TRAPPC10: variants seen among roughly 807,000 people sequenced by gnomAD.
The protein encoded by TRAPPC10 is TRAPP 130 kDa subunit.
A neutral mutation model predicts 125.5 loss-of-function variants in TRAPPC10; 23 were observed. The observed-to-expected ratio is 0.18, with a 90% CI of 0.13 to 0.26. The LOEUF (loss-of-function observed/expected upper bound fraction) is 0.26, where lower values mean the gene tolerates loss of function less well. TRAPPC10 is among the 10% of genes least tolerant of loss of function. The pLI is 1.00. For missense variants in TRAPPC10, 1,123 were observed against 1,308.4 expected, an observed-to-expected ratio of 0.86 and a Z score of 2.19; for synonymous variants, 509 against 518.0, an observed-to-expected ratio of 0.98 and a Z score of 0.24.
chr21:44,070,411 A>T (rs898884959), intron 7 of TRAPPC10, among the ~76,000 whole-genome samples: 7 of 152,216 alleles, frequency 4.6e-5, no homozygotes, highest in African/African-American at 1.7e-4. Flanking sequence ...GGGAAATGTG[A>T]GTTTTCTGGA....
chr21:44,087,243 C>G lies in TRAPPC10; in HGVS notation c.2539+283C>G, dbSNP rs1164583693. Among the ~76,000 whole-genome samples the G allele has an allele frequency of 1.3e-5, 2 of 152,198 alleles. No homozygotes were observed. Among genetic ancestry groups the G allele is most frequent in the Admixed American group, 6.5e-5 (1 of 15,284 alleles). ...GGGTCACGTTCCATGGTGATGCCTG[C>G]CAGACCCTGTCCCCCTTGGGCTGGC... On this transcript the variant is annotated intron_variant, in intron 16 of 22. Coordinates refer to ENST00000291574, the MANE Select transcript of TRAPPC10 (RefSeq NM_003274.5). This position sits in a 1 kb window ranked among gnomAD's most constrained non-coding sequence, Gnocchi z 4.6.
At chr21:44,080,167 A>G (rs1240436410) in intron 13 of TRAPPC10, 40 bp downstream of exon 13, 1 of 1,531,382 alleles carries the variant, frequency 6.5e-7, no homozygotes, top group South Asian at 1.1e-5. Flanking sequence ...AATATTTTCA[A>G]ATATTACAGA....
intron 1 of TRAPPC10, among the ~76,000 whole-genome samples, chr21:44,020,483 A>G (rs1377533131): frequency 2.2e-5 from 3 of 138,426 alleles, no homozygotes; most frequent in Non-Finnish European, 4.5e-5. Context: ...TATACATTTC[A>G]GAGTTAGCTG....
At chr21:44,017,244 C>G (rs1460655750) in intron 1 of TRAPPC10, among the ~76,000 whole-genome samples, 1 of 152,178 alleles carries the variant, frequency 6.6e-6, no homozygotes, top group Non-Finnish European at 1.5e-5. Context: ...GCTTAACTTA[C>G]TATGTCATTT....
chr21:44,082,957 C>T lies in TRAPPC10; in HGVS notation c.1893C>T (p.Phe631=). The T allele has an allele frequency of 6.2e-7, 1 of 1,614,072 alleles. No individual in the cohort carries two copies. The highest frequency in any genetic ancestry group is 8.5e-7 in the Non-Finnish European group (1 of 1,180,040). ...HVEQIVVNVH[F]SIEKNSYRKT... is the part of the protein sequence containing the mutation. ...AGCAGATTGTGGTCAATGTCCACTT[C>T]AGCATTGAGAAAAACAGCTACCGGA... Residue 631 remains phenylalanine (F), a synonymous_variant, in exon 14 of 23, where the codon TTC becomes TTT. Coordinates refer to ENST00000291574, the MANE Select transcript of TRAPPC10 (RefSeq NM_003274.5). The surrounding 1 kb of genome is among the most constrained non-coding windows in gnomAD (Gnocchi z 4.4).
chr21:44,095,974 T>A (rs2038905208), intron 20 of TRAPPC10, among the ~76,000 whole-genome samples: 1 of 126,194 alleles, frequency 7.9e-6, no homozygotes, highest in African/African-American at 3.1e-5. Flanking sequence ...TTTGAGCAAC[T>A]GCCAACTTTT....
At position 44,012,597 on chromosome 21, in the gene TRAPPC10, T is replaced by G. The variant is rs999964584; in HGVS notation, c.67+37T>G. 150 of 1,512,556 alleles carry G rather than the reference T, an allele frequency of 9.9e-5. 1 individual carries two copies. The highest frequency in any genetic ancestry group is 1.1e-4 in the Non-Finnish European group (127 of 1,122,648). 93.7% of individuals were successfully genotyped at this position (1,512,556 alleles called of 1,614,324 possible). On this transcript the variant is annotated intron_variant, in intron 1 of 22. Transcript: ENST00000291574. ...GAGGCGGGGAGGGCGCGGCGGTCGT[T>G]GGGCGGGCCCGGGCCCTGGCGTTAT...
At chr21:44,058,590 C>T (rs1056055141) in intron 5 of TRAPPC10, among the ~76,000 whole-genome samples, 6 of 152,314 alleles carry the variant, frequency 3.9e-5, no homozygotes, top group South Asian at 2.1e-4. Context: ...TCCACACAAG[C>T]GTGCTGTGCC....
intron 7 of TRAPPC10, among the ~76,000 whole-genome samples, chr21:44,072,271 C>T (rs1170536700): frequency 2.0e-5 from 3 of 152,200 alleles, no homozygotes; most frequent in Admixed American, 6.5e-5. Context: ...CTGTTCCCTG[C>T]GGACTCAGTT....
At position 44,084,106 on chromosome 21, in the gene TRAPPC10, G is replaced by A. The variant is rs370847070; in HGVS notation, c.2239-16G>A. 7 of 1,613,320 alleles carry A rather than the reference G, an allele frequency of 4.3e-6. No individual in the cohort carries two copies. The highest frequency in any genetic ancestry group is 4.0e-5 in the African/African-American group (3 of 74,968). On this transcript the variant is annotated splice_polypyrimidine_tract_variant and intron_variant, in intron 14 of 22. Coordinates refer to ENST00000291574, the MANE Select transcript of TRAPPC10 (RefSeq NM_003274.5). The stretch of plus-strand genomic sequence containing the variant: ...CTGGGTGACGTGGTTTCAAATGCCT[G>A]ATTCTTTGACTCTAGGCCAAGGAAC...
intron 2 of TRAPPC10, among the ~76,000 whole-genome samples, chr21:44,032,468 C>T (rs552744516): frequency 2.1e-3 from 313 of 151,334 alleles, no homozygotes; most frequent in African/African-American, 6.8e-3. Flanking sequence ...CTGCAACCTC[C>T]ACCTCCTGGG....
intron 19 of TRAPPC10, 42 bp downstream of exon 19, chr21:44,092,091 A>T: frequency 6.2e-7 from 1 of 1,608,476 alleles, no homozygotes; most frequent in African/African-American, 1.3e-5. Context: ...CTCAACAGAG[A>T]ACCAGAGTGT....
chr21:44,071,884 G>C (rs1019009066), intron 7 of TRAPPC10, among the ~76,000 whole-genome samples: 2 of 152,166 alleles, frequency 1.3e-5, no homozygotes, highest in African/African-American at 4.8e-5. Context: ...CTCACCTTCA[G>C]GTTTCTGTTA....
At chr21:44,079,811 C>T in intron 12 of TRAPPC10, 107 bp downstream of exon 12, 3 of 1,273,700 alleles carry the variant, frequency 2.4e-6, no homozygotes, top group Non-Finnish European at 3.3e-6. Context: ...AGAGAAAAGT[C>T]CTAACTTATA....
chr21:44,017,149 G>T (rs931780564), intron 1 of TRAPPC10, among the ~76,000 whole-genome samples: 3 of 152,204 alleles, frequency 2.0e-5, no homozygotes, highest in Non-Finnish European at 2.9e-5. Context: ...AGATTGAAAA[G>T]TAGGAGAAAC....
intron 17 of TRAPPC10, 52 bp from the exon 18 acceptor site, chr21:44,089,781 T>G (rs1211924901): frequency 7.0e-7 from 1 of 1,422,612 alleles, no homozygotes; most frequent in Non-Finnish European, 9.9e-7. Flanking sequence ...TGGTGGTGGC[T>G]GTGCTGTCCG....
intron 3 of TRAPPC10, among the ~76,000 whole-genome samples, chr21:44,043,889 C>T (rs1227328116): frequency 6.6e-6 from 1 of 152,168 alleles, no homozygotes; most frequent in Non-Finnish European, 1.5e-5. Context: ...GTTCAGCCTG[C>T]CCCAGCTGAG....
chr21:44,037,666 T>C (rs1036008536), intron 2 of TRAPPC10, 126 bp from the exon 3 acceptor site: 38 of 1,062,418 alleles, frequency 3.6e-5, no homozygotes, highest in Middle Eastern at 6.4e-4. Context: ...AGCGTAGTTA[T>C]GATTTGGGGT....
chr21:44,050,311 T>A (rs1047607794), intron 3 of TRAPPC10, among the ~76,000 whole-genome samples: 4 of 151,936 alleles, frequency 2.6e-5, no homozygotes, highest in Non-Finnish European at 4.4e-5. Context: ...TTCCTGCAAA[T>A]TGACTGAGCA....
Sources: gnomAD v4.1 joint callset for allele counts (sites outside exome capture counted in the v4.1 genomes callset) on GRCh38, gnomAD v4.1.1 for gene constraint, Gnocchi (gnomAD v3.1) non-coding constraint, MANE v1.5 for transcripts, NCBI Gene and HGNC (gene_info 2026-07-23, HGNC 2026-07-21) for gene names.